Variants in YY1 observed in about 807,000 individuals in gnomAD.
YY1 encodes YY1 transcription factor.
Under a neutral mutation model 35.6 loss-of-function variants are expected in YY1, and 2 were observed. The ratio of observed to expected loss-of-function variants is 0.06; its 90% CI spans 0.02 to 0.18. The LOEUF is 0.18. Among genes scored for constraint, YY1 ranks in the 10% least tolerant of loss-of-function variants. YY1 has a pLI of 1.00. For synonymous variants in YY1, 268 were observed against 238.9 expected, an observed-to-expected ratio of 1.12 and a Z score of -1.12; for missense variants, 322 against 573.4, an observed-to-expected ratio of 0.56 and a Z score of 4.48.
Position 100,249,782 on chromosome 14 carries a change from G to T in YY1, c.679+9859G>T, listed in dbSNP as rs75698246. On this transcript the variant is annotated intron_variant, in intron 1 of 4. Coordinates refer to ENST00000262238, the MANE Select transcript of YY1 (RefSeq NM_003403.5). ...TTTGTTTGTTTTTGTTTTTGTTTTTGTTTTTTTTTGAGACAGAGTCTTGCT... is the reference window on the plus strand; with the variant it reads ...TTTGTTTGTTTTTGTTTTTGTTTTTTTTTTTTTTTGAGACAGAGTCTTGCT... Among the ~76,000 whole-genome samples the T allele has an allele frequency of 3.8e-3, 487 of 126,868 alleles. 3 individuals are homozygous for T. Among genetic ancestry groups the T allele is most frequent in the African/African-American group, 0.01 (334 of 32,708 alleles). 83.2% of individuals were successfully genotyped at this position (126,868 alleles called of 152,430 possible).
At chr14:100,263,431 C>T (rs1891111732) in intron 2 of YY1, among the ~76,000 whole-genome samples, 1 of 152,144 alleles carries the variant, frequency 6.6e-6, no homozygotes, top group African/African-American at 2.4e-5. Flanking sequence ...ACTCTGAACC[C>T]ATTGGTTGGG....
At chr14:100,270,741 A>T (rs567919122) in intron 2 of YY1, among the ~76,000 whole-genome samples, 1 of 152,316 alleles carries the variant, frequency 6.6e-6, no homozygotes, top group South Asian at 2.1e-4. Context: ...CTATTCTGTG[A>T]ATTTGGACAA....
chr14:100,256,242 C>CT (rs1285609589), intron 1 of YY1, among the ~76,000 whole-genome samples: 5 of 152,242 alleles, frequency 3.3e-5, no homozygotes, highest in Middle Eastern at 3.4e-3. Context: ...ATTTAGTTGC[C>CT]TTTTTGAGGT....
chr14:100,278,809 G>C lies in YY1; in HGVS notation c.*1209G>C, dbSNP rs1365675848. 1 of 152,282 alleles carries C rather than the reference G, an allele frequency of 6.6e-6. No homozygotes were observed. 9.4% of individuals were successfully genotyped at this position (152,282 alleles called of 1,614,324 possible). On this transcript the variant is annotated 3_prime_UTR_variant, in exon 5 of 5. Coordinates refer to ENST00000262238, the MANE Select transcript of YY1 (RefSeq NM_003403.5). ...ACCGCGCAGGCTGAGCGCCTGCGCA[G>C]GGTAAGGTGCCACCTGGCAGTGGGG...
At chr14:100,254,668 G>T (rs1341053753) in intron 1 of YY1, among the ~76,000 whole-genome samples, 4 of 152,088 alleles carry the variant, frequency 2.6e-5, no homozygotes. Context: ...TGTTGGCCGG[G>T]CTGGTCTCGA....
chr14:100,239,955 A>G, intron 1 of YY1, 32 bp downstream of exon 1: 2 of 1,505,844 alleles, frequency 1.3e-6, no homozygotes, highest in Non-Finnish European at 1.8e-6. Context: ...CGGCCCCGGG[A>G]TGTTTTTGTT....
At chr14:100,261,326 T>C (rs1363125497) in intron 1 of YY1, among the ~76,000 whole-genome samples, 1 of 151,860 alleles carries the variant, frequency 6.6e-6, no homozygotes, top group Non-Finnish European at 1.5e-5. Context: ...GTAGCTGGTA[T>C]TACAGGCATG....
chr14:100,271,140 G>T (rs1891232483), intron 2 of YY1, among the ~76,000 whole-genome samples: 1 of 152,088 alleles, frequency 6.6e-6, no homozygotes, highest in Non-Finnish European at 1.5e-5. Context: ...CCAACTACTC[G>T]GGAGGCTGAG....
chr14:100,244,366 A>C (rs1595312984), intron 1 of YY1, among the ~76,000 whole-genome samples: 1 of 105,162 alleles, frequency 9.5e-6, no homozygotes, highest in Admixed American at 1.4e-4. Flanking sequence ...TCACTCTGGC[A>C]CCCAGGTTTG....
At chr14:100,273,431 G>A (rs887763844) in intron 2 of YY1, among the ~76,000 whole-genome samples, 5 of 152,110 alleles carry the variant, frequency 3.3e-5, no homozygotes, top group African/African-American at 1.2e-4. Flanking sequence ...TGGGACTATC[G>A]ACACACACCA....
chr14:100,240,117 G>T (rs1403834236), intron 1 of YY1, among the ~76,000 whole-genome samples, 194 bp downstream of exon 1: 1 of 145,992 alleles, frequency 6.8e-6, no homozygotes, highest in African/African-American at 2.5e-5. Flanking sequence ...GGCAGGCCGC[G>T]GGGGGGAGGG....
chr14:100,258,876 T>C (rs1891041128), intron 1 of YY1, among the ~76,000 whole-genome samples: 1 of 152,260 alleles, frequency 6.6e-6, no homozygotes, highest in Non-Finnish European at 1.5e-5. Flanking sequence ...AACTTGATAA[T>C]GACCACTTGA....
At chr14:100,268,517 T>G (rs1236661788) in intron 2 of YY1, among the ~76,000 whole-genome samples, 1 of 152,198 alleles carries the variant, frequency 6.6e-6, no homozygotes, top group Non-Finnish European at 1.5e-5. Flanking sequence ...CTAGAAAGAT[T>G]AGAATGGTTA....
chr14:100,254,083 G>T (rs1017784391), intron 1 of YY1, among the ~76,000 whole-genome samples: 1 of 151,734 alleles, frequency 6.6e-6, no homozygotes, highest in Non-Finnish European at 1.5e-5. Context: ...TGATCCACCC[G>T]CCTCGGCCTC....
intron 3 of YY1, among the ~76,000 whole-genome samples, chr14:100,275,052 T>C (rs1891299501): frequency 6.6e-6 from 1 of 152,208 alleles, no homozygotes; most frequent in Non-Finnish European, 1.5e-5. Context: ...AGATCCTGGG[T>C]TGTGTCTCAC....
At chr14:100,272,675 A>G (rs1262944863) in intron 2 of YY1, among the ~76,000 whole-genome samples, 1 of 151,560 alleles carries the variant, frequency 6.6e-6, no homozygotes, top group Non-Finnish European at 1.5e-5. Context: ...AAAAAATTTC[A>G]ATAGCTTTTG....
intron 2 of YY1, among the ~76,000 whole-genome samples, chr14:100,271,759 C>T (rs2139599250): frequency 6.6e-6 from 1 of 152,244 alleles, no homozygotes; most frequent in South Asian, 2.1e-4. Flanking sequence ...ATTCTACCTC[C>T]TCAGCCTCCC....
intron 1 of YY1, among the ~76,000 whole-genome samples, chr14:100,256,386 A>G (rs1470544444): frequency 6.6e-6 from 1 of 152,086 alleles, no homozygotes; most frequent in Non-Finnish European, 1.5e-5. Flanking sequence ...GAAGCAAGAA[A>G]CTCAGGTGGC....
intron 2 of YY1, among the ~76,000 whole-genome samples, chr14:100,263,524 T>C (rs1891112804): frequency 6.6e-6 from 1 of 152,178 alleles, no homozygotes; most frequent in South Asian, 2.1e-4. Context: ...TGGCAGTTTG[T>C]ACAAGGAGCT....
Sources: gnomAD v4.1 joint callset for allele counts (sites outside exome capture counted in the v4.1 genomes callset) on GRCh38, gnomAD v4.1.1 for gene constraint, MANE v1.5 for transcripts, NCBI Gene and HGNC (gene_info 2026-07-23, HGNC 2026-07-21) for gene names.